PLPPR1: variants seen among roughly 807,000 people sequenced by gnomAD.
The protein encoded by PLPPR1 is phospholipid phosphatase related 1.
In PLPPR1, 10 loss-of-function variants were observed where a neutral mutation model predicts 33.1. The observed-to-expected ratio is 0.30, with a 90% confidence interval of 0.19 to 0.51. The LOEUF (loss-of-function observed/expected upper bound fraction) is 0.51. PLPPR1 is among the 20% of genes least tolerant of loss of function. The pLI, the probability that PLPPR1 is intolerant of heterozygous loss-of-function variation, is 0.97. For missense variants in PLPPR1, 304 were observed against 408.1 expected, an observed-to-expected ratio of 0.74 and a Z score of 2.20; for synonymous variants, 151 against 151.0, an observed-to-expected ratio of 1.00 and a Z score of 0.00.
At position 101,086,680 on chromosome 9, in the gene PLPPR1, G is replaced by A. The variant is rs547241987; in HGVS notation, c.-46+57578G>A. The stretch of plus-strand genomic sequence containing the variant: ...GTTTCAGTCACAGAGTAGAACAGAA[G>A]TGTGTAGATAACCTTTATATCCTTG... On this transcript the variant is annotated intron_variant, in intron 1 of 7. Transcript: ENST00000374874. Among the ~76,000 whole-genome samples, 5 of 152,340 alleles carry A rather than the reference G, an allele frequency of 3.3e-5. No individual in the cohort carries two copies. In the South Asian group the frequency reaches 8.3e-4, roughly 25 times the overall value.
At chr9:101,114,259 C>T (rs1260837203) in intron 1 of PLPPR1, among the ~76,000 whole-genome samples, 1 of 152,204 alleles carries the variant, frequency 6.6e-6, no homozygotes, top group Non-Finnish European at 1.5e-5. Flanking sequence ...GACCAGGGTA[C>T]TACTATCATC....
intron 1 of PLPPR1, among the ~76,000 whole-genome samples, chr9:101,183,230 A>T (rs1457121693): frequency 1.3e-5 from 2 of 151,864 alleles, no homozygotes; most frequent in African/African-American, 4.8e-5. Flanking sequence ...ATTGAATACA[A>T]CCAAATACTG....
At chr9:101,245,476 C>T (rs951033759) in intron 2 of PLPPR1, among the ~76,000 whole-genome samples, 2 of 151,842 alleles carry the variant, frequency 1.3e-5, no homozygotes, top group Non-Finnish European at 2.9e-5. Context: ...CAACAAGATA[C>T]AGTAGGCTAA....
At chr9:101,322,977 AAAAC>A (rs1168729152) in intron 7 of PLPPR1, among the ~76,000 whole-genome samples, 6 of 152,182 alleles carry the variant, frequency 3.9e-5, no homozygotes, top group Admixed American at 2.0e-4. Flanking sequence ...AGTTAAACTA[AAAAC>A]AAACCCCCCA....
At chr9:101,116,589 C>T (rs973717345) in intron 1 of PLPPR1, among the ~76,000 whole-genome samples, 4 of 151,928 alleles carry the variant, frequency 2.6e-5, no homozygotes, top group Non-Finnish European at 4.4e-5. Context: ...CCAAGGCGGG[C>T]GGATCACAAG....
intron 2 of PLPPR1, among the ~76,000 whole-genome samples, chr9:101,262,960 C>A (rs185389235): frequency 6.6e-6 from 1 of 152,180 alleles, no homozygotes; most frequent in East Asian, 1.9e-4. Context: ...AAAATGAGAA[C>A]ACCTGGACAC....
chr9:101,224,589 G>A (rs1247971479), intron 2 of PLPPR1, among the ~76,000 whole-genome samples: 1 of 152,106 alleles, frequency 6.6e-6, no homozygotes, highest in Non-Finnish European at 1.5e-5. Context: ...ACACAATGGA[G>A]GAGATCTGAG....
chr9:101,169,458 TCTC>T (rs1307658887), intron 1 of PLPPR1, among the ~76,000 whole-genome samples: 1 of 152,112 alleles, frequency 6.6e-6, no homozygotes, highest in Non-Finnish European at 1.5e-5. Context: ...ACTTAGCAGT[TCTC>T]CTCGTGGTGG....
At chr9:101,317,266 T>C in intron 6 of PLPPR1, 99 bp from the exon 7 acceptor site, 1 of 1,289,618 alleles carries the variant, frequency 7.8e-7, no homozygotes, top group Non-Finnish European at 1.1e-6. Context: ...AAGGTCACTC[T>C]GGTGATGATA....
chr9:101,307,987 T>C lies in PLPPR1; in HGVS notation c.386-1224T>C, dbSNP rs189848047. Among the ~76,000 whole-genome samples the C allele has an allele frequency of 2.5e-4, 38 of 152,346 alleles. 1 individual carries two copies. Among genetic ancestry groups the C allele is most frequent in the Admixed American group, 6.5e-4 (10 of 15,306 alleles). ...GCAAAGCTTTCTGTAAGGAAACCTCTGCATGTTCAAGCTTGTTGGGGCTAA... is the reference window on the plus strand; with the variant it reads ...GCAAAGCTTTCTGTAAGGAAACCTCCGCATGTTCAAGCTTGTTGGGGCTAA... On this transcript the variant is annotated intron_variant, in intron 4 of 7. Coordinates refer to ENST00000374874, the MANE Select transcript of PLPPR1 (RefSeq NM_207299.2).
At chr9:101,072,331 C>G (rs966296423) in intron 1 of PLPPR1, among the ~76,000 whole-genome samples, 5 of 152,082 alleles carry the variant, frequency 3.3e-5, no homozygotes, top group Admixed American at 1.3e-4. Context: ...ATCCAGCTCA[C>G]AATTTGGAAA....
At chr9:101,205,496 G>A (rs2118756521) in intron 2 of PLPPR1, among the ~76,000 whole-genome samples, 1 of 152,260 alleles carries the variant, frequency 6.6e-6, no homozygotes, top group Non-Finnish European at 1.5e-5. Context: ...AAAATAAATA[G>A]TAGGTATGAG....
intron 3 of PLPPR1, among the ~76,000 whole-genome samples, chr9:101,270,402 A>G (rs1828074365): frequency 6.6e-6 from 1 of 152,244 alleles, no homozygotes; most frequent in Non-Finnish European, 1.5e-5. Context: ...ATGAGTTGCA[A>G]GTATTCACAA....
intron 1 of PLPPR1, among the ~76,000 whole-genome samples, chr9:101,082,977 C>T (rs1459202131): frequency 6.6e-6 from 1 of 152,030 alleles, no homozygotes; most frequent in East Asian, 1.9e-4. Context: ...TTCAAAGATA[C>T]CGAATATCAG....
chr9:101,086,313 G>A lies in PLPPR1; in HGVS notation c.-46+57211G>A, dbSNP rs76036512. ...TGGGAGGAAGCAAGATTAGGCAGGG[G>A]AAGAAGGTAAACGGTGATATATGTC... On this transcript the variant is annotated intron_variant, in intron 1 of 7. Coordinates refer to ENST00000374874, the MANE Select transcript of PLPPR1 (RefSeq NM_207299.2). Among the ~76,000 whole-genome samples the A allele has an allele frequency of 3.7e-3, 565 of 152,298 alleles. 3 individuals carry two copies. The highest frequency in any genetic ancestry group is 0.013 in the African/African-American group (532 of 41,568).
chr9:101,054,229 A>G (rs112376885), intron 1 of PLPPR1, among the ~76,000 whole-genome samples: 9 of 152,278 alleles, frequency 5.9e-5, no homozygotes, highest in African/African-American at 2.2e-4. Flanking sequence ...AATCCTTTTT[A>G]TCATAGAATT....
At chr9:101,306,377 G>A (rs1469872532) in intron 4 of PLPPR1, among the ~76,000 whole-genome samples, 1 of 152,174 alleles carries the variant, frequency 6.6e-6, no homozygotes, top group Non-Finnish European at 1.5e-5. Flanking sequence ...GAACAGGCAG[G>A]GCTTCAGCTC....
chr9:101,234,075 A>G (rs75066665), intron 2 of PLPPR1, among the ~76,000 whole-genome samples: 7,098 of 151,898 alleles, frequency 0.047, 225 homozygotes, highest in Non-Finnish European at 0.06. Flanking sequence ...AAGGAATGAG[A>G]GAAGGATTTA....
At chr9:101,096,323 C>T (rs1830817033) in intron 1 of PLPPR1, among the ~76,000 whole-genome samples, 2 of 152,176 alleles carry the variant, frequency 1.3e-5, no homozygotes, top group Admixed American at 6.5e-5. Context: ...GTAGCTACTC[C>T]TTGATCATCT....
Sources: allele counts gnomAD v4.1 joint callset (sites outside exome capture counted in the v4.1 genomes callset), GRCh38; gene constraint gnomAD v4.1.1; transcripts MANE v1.5; gene names NCBI Gene and HGNC (gene_info 2026-07-23, HGNC 2026-07-21).